SLC35A1: variants seen among roughly 807,000 people sequenced by gnomAD.
SLC35A1 encodes the protein CMP-sialic acid transporter.
Under a neutral mutation model 40.3 loss-of-function variants are expected in SLC35A1, and 21 were observed. The ratio of observed to expected loss-of-function variants is 0.52; its 90% CI spans 0.37 to 0.75. The LOEUF (loss-of-function observed/expected upper bound fraction) is 0.75, where lower values mean the gene tolerates loss of function less well. SLC35A1 is among the 30% of genes least tolerant of loss of function. The pLI, the probability that SLC35A1 is intolerant of heterozygous loss-of-function variation, is 0.00. For synonymous variants in SLC35A1, 146 were observed against 147.3 expected (o/e 0.99, Z 0.06); for missense variants, 297 against 382.1 (o/e 0.78, Z 1.86).
chr6:87,474,363 A>C (rs1023845275), intron 1 of SLC35A1, among the ~76,000 whole-genome samples: 3 of 152,250 alleles, frequency 2.0e-5, no homozygotes, highest in Admixed American at 6.5e-5. Flanking sequence ...AACTATAGTA[A>C]AACATAACCG....
intron 2 of SLC35A1, among the ~76,000 whole-genome samples, chr6:87,489,541 T>TC (rs1174688027): frequency 1.4e-5 from 2 of 144,018 alleles, no homozygotes; most frequent in East Asian, 4.0e-4. Flanking sequence ...TGAGCTTTTT[T>TC]TTTTTTTTTT....
At chr6:87,497,030 A>C (rs1769752259) in intron 2 of SLC35A1, among the ~76,000 whole-genome samples, 1 of 152,142 alleles carries the variant, frequency 6.6e-6, no homozygotes, top group Non-Finnish European at 1.5e-5. Context: ...TAAATACATT[A>C]ACTTAAGCAG....
chr6:87,506,625 TAAG>T (rs1369296747), intron 5 of SLC35A1, among the ~76,000 whole-genome samples, 177 bp downstream of exon 5: 1 of 152,238 alleles, frequency 6.6e-6, no homozygotes, highest in Admixed American at 6.5e-5. Flanking sequence ...ATTGTTCAAC[TAAG>T]TTCAGACTCA....
At chr6:87,505,855 G>C (rs902784184) in intron 4 of SLC35A1, among the ~76,000 whole-genome samples, 1 of 152,138 alleles carries the variant, frequency 6.6e-6, no homozygotes, top group Non-Finnish European at 1.5e-5. Flanking sequence ...ATCTCAACAT[G>C]TGTTTTGAAG....
intron 2 of SLC35A1, among the ~76,000 whole-genome samples, chr6:87,478,586 C>T (rs1769146530): frequency 6.6e-6 from 1 of 152,130 alleles, no homozygotes; most frequent in African/African-American, 2.4e-5. Context: ...GCTTCAGCTT[C>T]AGCAGTGTGT....
Position 87,511,694 on chromosome 6 carries a change from C to G in SLC35A1, c.*168C>G, listed in dbSNP as rs2127978678. On this transcript the variant is annotated 3_prime_UTR_variant, in exon 8 of 8. Coordinates refer to ENST00000369552, the MANE Select transcript of SLC35A1 (RefSeq NM_006416.5). Reference sequence around the variant, plus strand: ...CAAACGAAGCTATCTGAGTGAACTGCTAATACAGAAACTTAATGTAGACCT... The same window carrying G: ...CAAACGAAGCTATCTGAGTGAACTGGTAATACAGAAACTTAATGTAGACCT... 1 of 729,898 alleles carries G rather than the reference C, an allele frequency of 1.4e-6. No homozygotes were observed. The highest frequency in any genetic ancestry group is 1.5e-5 in the South Asian group (1 of 65,142). The allele number at this position is 729,898 out of a possible 1,614,324, so 45.2% of individuals were successfully genotyped here.
At chr6:87,496,622 T>C (rs1194714311) in intron 2 of SLC35A1, among the ~76,000 whole-genome samples, 1 of 151,338 alleles carries the variant, frequency 6.6e-6, no homozygotes, top group Non-Finnish European at 1.5e-5. Context: ...CTACTAAAAA[T>C]ACAAAAAATT....
intron 2 of SLC35A1, among the ~76,000 whole-genome samples, chr6:87,487,242 T>C (rs1170509479): frequency 6.6e-6 from 1 of 152,182 alleles, no homozygotes; most frequent in South Asian, 2.1e-4. Flanking sequence ...GAACCCATGT[T>C]GAGAGTCACT....
rs748551783 is a variant in SLC35A1, at chr6:87,477,399, A to C, written c.54A>C (p.Ala18=). 9.7e-5 allele frequency: 156 copies of C among 1,613,812 alleles called. No homozygotes were observed. The highest frequency in any genetic ancestry group is 1.3e-4 in the Non-Finnish European group (154 of 1,179,980). Residue 18 remains alanine, a synonymous_variant, in exon 2 of 8, where the codon GCA becomes GCC. Coordinates refer to ENST00000369552, the MANE Select transcript of SLC35A1 (RefSeq NM_006416.5). The stretch of plus-strand genomic sequence containing the variant: ...TATTATTCAAGTTATACTGCTTGGC[A>C]GTGATGACCCTGATGGCTGCAGTCT... The part of the protein sequence containing the change: ...VTLLFKLYCL[A]VMTLMAAVYT...
chr6:87,503,354 T>C (rs1352979242), intron 4 of SLC35A1, among the ~76,000 whole-genome samples: 2 of 152,288 alleles, frequency 1.3e-5, no homozygotes, highest in Admixed American at 6.5e-5. Context: ...CAAGTTGGTA[T>C]TGGTTGATGG....
At chr6:87,483,198 T>G (rs2127965421) in intron 2 of SLC35A1, among the ~76,000 whole-genome samples, 1 of 152,276 alleles carries the variant, frequency 6.6e-6, no homozygotes, top group East Asian at 1.9e-4. Context: ...TCTGACTCTC[T>G]GTCTCTTTCT....
intron 4 of SLC35A1, among the ~76,000 whole-genome samples, chr6:87,502,900 T>C (rs567486891): frequency 1.3e-5 from 2 of 152,304 alleles, no homozygotes; most frequent in South Asian, 2.1e-4. Flanking sequence ...TAGACTCTCA[T>C]TGACACTAGA....
At chr6:87,506,169 T>A (rs1361373039) in intron 4 of SLC35A1, among the ~76,000 whole-genome samples, 2 of 152,184 alleles carry the variant, frequency 1.3e-5, no homozygotes, top group Admixed American at 6.5e-5. Context: ...ATGGCTGTGA[T>A]TTGAGGGACA....
At chr6:87,484,520 A>G (rs1252757245) in intron 2 of SLC35A1, among the ~76,000 whole-genome samples, 1 of 152,142 alleles carries the variant, frequency 6.6e-6, no homozygotes, top group African/African-American at 2.4e-5. Context: ...CCTATTGGCT[A>G]GGGTTAGACC....
rs10561288 is a variant in SLC35A1 at position 87,508,703 on chromosome 6, GTAAA to G, written c.751+110_751+113del. ...ATTTTGAAATTAATCCTTTGATACT[GTAAA>G]TACCAGTTTGAATATAATTTTCATT... On this transcript the variant is annotated intron_variant, in intron 6 of 7. Coordinates refer to ENST00000369552, the MANE Select transcript of SLC35A1 (RefSeq NM_006416.5). The G allele has an allele frequency of 0.096, 89,649 of 933,238 alleles. 4,513 individuals are homozygous for G. Among genetic ancestry groups the G allele is most frequent in the East Asian group, 0.15 (5,923 of 38,698 alleles). The allele number at this position is 933,238 out of a possible 1,614,324, so 57.8% of individuals were successfully genotyped here. A position where few individuals can be genotyped will look rare whatever the true frequency, so the allele number is the denominator to read the frequency against.
intron 1 of SLC35A1, among the ~76,000 whole-genome samples, chr6:87,476,074 A>G (rs1769060920): frequency 6.6e-6 from 1 of 152,174 alleles, no homozygotes; most frequent in South Asian, 2.1e-4. Context: ...GAGACTTGGT[A>G]CCCACTGCTT....
intron 1 of SLC35A1, among the ~76,000 whole-genome samples, chr6:87,474,588 A>G (rs1769015434): frequency 6.6e-6 from 1 of 152,194 alleles, no homozygotes; most frequent in South Asian, 2.1e-4. Flanking sequence ...TTTTGCTGTT[A>G]CCCTGAAATA....
rs536099656 is a variant in SLC35A1, at chr6:87,494,449, G to A, written c.195-6059G>A. On this transcript the variant is annotated intron_variant, in intron 2 of 7. Transcript: ENST00000369552. ...TTTTTTTTTTTTTTTTTGAGACAGA[G>A]TCTCGCTCTGTTGCCCAGGCTGGAG... 2.1e-5 allele frequency among the ~76,000 whole-genome samples: 3 copies of A among 144,482 alleles called. No individual in the cohort carries two copies. The East Asian group carries it at 6.0e-4, about 29-fold the overall frequency. The allele number at this position is 144,482 out of a possible 152,430, so 94.8% of individuals were successfully genotyped here.
chr6:87,507,442 C>G (rs1770120760), intron 5 of SLC35A1, among the ~76,000 whole-genome samples: 1 of 152,166 alleles, frequency 6.6e-6, no homozygotes, highest in Non-Finnish European at 1.5e-5. Flanking sequence ...TATTAGTTCA[C>G]TCTCTTAATA....
Sources: gnomAD v4.1 joint callset for allele counts (sites outside exome capture counted in the v4.1 genomes callset) on GRCh38, gnomAD v4.1.1 for gene constraint, MANE v1.5 for transcripts, NCBI Gene and HGNC (gene_info 2026-07-23, HGNC 2026-07-21) for gene names.